The following ALG14 variants were observed in gnomAD, a reference collection of about 807,000 sequenced individuals.
ALG14 encodes ALG14 UDP-N-acetylglucosaminyltransferase subunit, also known as UDP-N-acetylglucosamine transferase subunit ALG14.
ALG14 carries 17 observed loss-of-function variants against 22.8 expected under a neutral mutation model. The ratio of observed to expected loss-of-function variants is 0.75; its 90% CI spans 0.51 to 1.12. The LOEUF is 1.12. Among genes scored for constraint, ALG14 ranks in the 50% most tolerant of loss-of-function variants. The probability of loss-of-function intolerance (pLI) is 0.00; values close to 1 mark genes in which losing one functional copy is unlikely to be tolerated. For missense variants in ALG14, 288 were observed against 271.8 expected, an observed-to-expected ratio of 1.06 and a Z score of -0.42; for synonymous variants, 89 against 103.7, an observed-to-expected ratio of 0.86 and a Z score of 0.86.
At chr1:95,051,970 C>T (rs964652598) in intron 2 of ALG14, among the ~76,000 whole-genome samples, 1 of 152,182 alleles carries the variant, frequency 6.6e-6, no homozygotes, top group East Asian at 1.9e-4. Context: ...ATTATCCCGC[C>T]ACTAGAATGT....
chr1:95,041,732 A>C (rs975044763), intron 2 of ALG14: 1 of 152,208 alleles, frequency 6.6e-6, no homozygotes, highest in Non-Finnish European at 1.5e-5. Flanking sequence ...AGCTGTACAC[A>C]GTCTCAGTCC....
chr1:94,978,618 C>G lies in ALG14; in HGVS notation c.*4458G>C, dbSNP rs1478759528. The G allele has an allele frequency of 6.6e-6, 1 of 152,088 alleles. No individual in the cohort carries two copies. Among genetic ancestry groups the G allele is most frequent in the East Asian group, 1.9e-4 (1 of 5,192 alleles). 9.4% of individuals were successfully genotyped at this position (152,088 alleles called of 1,614,324 possible). On this transcript the variant is annotated 3_prime_UTR_variant, in exon 4 of 4. Coordinates refer to ENST00000370205, the MANE Select transcript of ALG14 (RefSeq NM_144988.4). ...GAGTTATTTAGAGAATTTGCTCAAG[C>G]TAAATGAAGACAAAGACTTTGTGGG...
chr1:95,025,045 C>A (rs1673772026), intron 3 of ALG14, among the ~76,000 whole-genome samples: 2 of 152,262 alleles, frequency 1.3e-5, no homozygotes, highest in South Asian at 2.1e-4. Flanking sequence ...TACAGCCTTA[C>A]AAATGTTTTC....
At chr1:95,039,789 G>A (rs1161133117) in intron 2 of ALG14, among the ~76,000 whole-genome samples, 1 of 152,100 alleles carries the variant, frequency 6.6e-6, no homozygotes, top group Non-Finnish European at 1.5e-5. Flanking sequence ...TCAGGAATCT[G>A]GATGCTGGAC....
intron 2 of ALG14, among the ~76,000 whole-genome samples, chr1:95,043,347 T>G (rs1253754703): frequency 6.6e-6 from 1 of 151,940 alleles, no homozygotes; most frequent in Non-Finnish European, 1.5e-5. Flanking sequence ...GTGGTGGGGG[T>G]TGGGGGAGCA....
At chr1:95,036,835 G>A (rs1299395790) in intron 2 of ALG14, among the ~76,000 whole-genome samples, 4 of 152,146 alleles carry the variant, frequency 2.6e-5, no homozygotes, top group South Asian at 2.1e-4. Context: ...CACTTACTTT[G>A]CATGAATCAA....
intron 2 of ALG14, chr1:95,035,845 C>T (rs542597245): frequency 6.6e-6 from 1 of 152,080 alleles, no homozygotes. Flanking sequence ...ACATACAATA[C>T]CTTTATTATT....
intron 2 of ALG14, among the ~76,000 whole-genome samples, chr1:95,040,172 A>AAAT (rs1674335160): frequency 7.0e-6 from 1 of 143,218 alleles, no homozygotes; most frequent in African/African-American, 2.6e-5. Context: ...ACCCTGTCTC[A>AAAT]AAATAAATAA....
chr1:95,048,186 T>A (rs1390584603), intron 2 of ALG14, among the ~76,000 whole-genome samples: 1 of 152,190 alleles, frequency 6.6e-6, no homozygotes, highest in African/African-American at 2.4e-5. Context: ...TAATGTTTAT[T>A]GGGAAAACAT....
rs1672419432 is a variant in ALG14 at position 94,977,470 on chromosome 1, C to A, written c.*5606G>T. On this transcript the variant is annotated 3_prime_UTR_variant, in exon 4 of 4. Transcript: ENST00000370205. The stretch of plus-strand genomic sequence containing the variant: ...ATAGTAATATTAAGATGTTATTTGC[C>A]TTTTCCTTGTCATTCTTATGATGGT... The A allele has an allele frequency of 6.6e-6, 1 of 152,092 alleles. No homozygotes were observed. Among genetic ancestry groups the A allele is most frequent in the Non-Finnish European group, 1.5e-5 (1 of 68,034 alleles). The allele number at this position is 152,092 out of a possible 1,614,324, so 9.4% of individuals were successfully genotyped here. A position where few individuals can be genotyped will look rare whatever the true frequency, so the allele number is the denominator to read the frequency against.
At chr1:95,006,524 T>C (rs1383489596) in intron 3 of ALG14, among the ~76,000 whole-genome samples, 1 of 152,200 alleles carries the variant, frequency 6.6e-6, no homozygotes, top group Non-Finnish European at 1.5e-5. Flanking sequence ...AGAGAGATTA[T>C]TGGCCATAGG....
intron 3 of ALG14, among the ~76,000 whole-genome samples, chr1:94,999,946 C>A (rs945440461): frequency 3.3e-5 from 5 of 152,266 alleles, no homozygotes; most frequent in African/African-American, 1.2e-4. Flanking sequence ...CCCTCCCACC[C>A]ACATTCCCAG....
chr1:95,064,766 A>G (rs914360874), intron 2 of ALG14, 100 bp downstream of exon 2: 1 of 1,052,912 alleles, frequency 9.5e-7, no homozygotes, highest in African/African-American at 1.6e-5. Flanking sequence ...TTGACTGCCC[A>G]TTGTGGGTAG....
At chr1:94,997,066 G>T (rs1307193026) in intron 3 of ALG14, among the ~76,000 whole-genome samples, 6 of 152,328 alleles carry the variant, frequency 3.9e-5, no homozygotes, top group Non-Finnish European at 7.3e-5. Context: ...TGGAAAAACA[G>T]AAAGACATTA....
intron 2 of ALG14, among the ~76,000 whole-genome samples, chr1:95,042,991 T>C (rs1464462268): frequency 6.6e-6 from 1 of 152,200 alleles, no homozygotes; most frequent in African/African-American, 2.4e-5. Flanking sequence ...AGTTCTTCAA[T>C]GTGATCTTCC....
At chr1:95,052,181 T>C (rs1225884429) in intron 2 of ALG14, among the ~76,000 whole-genome samples, 1 of 152,162 alleles carries the variant, frequency 6.6e-6, no homozygotes, top group Non-Finnish European at 1.5e-5. Flanking sequence ...AGTCATCACT[T>C]GCAGAACTTC....
At chr1:95,021,098 G>A (rs370058239) in intron 3 of ALG14, among the ~76,000 whole-genome samples, 2 of 152,194 alleles carry the variant, frequency 1.3e-5, no homozygotes, top group East Asian at 1.9e-4. Flanking sequence ...AATTCAGAGG[G>A]AGCAAAAGTT....
chr1:95,002,979 A>C (rs1462920234), intron 3 of ALG14, among the ~76,000 whole-genome samples: 1 of 152,232 alleles, frequency 6.6e-6, no homozygotes, highest in Non-Finnish European at 1.5e-5. Flanking sequence ...TGCAGATGAA[A>C]GCACTTAAGT....
rs1672430639 is a variant in ALG14, at chr1:94,978,163, AAGCAAT to A, written c.*4907_*4912del. 1 of 151,422 alleles carries A rather than the reference AAGCAAT, an allele frequency of 6.6e-6. No individual in the cohort carries two copies. Among genetic ancestry groups the A allele is most frequent in the Non-Finnish European group, 1.5e-5 (1 of 67,950 alleles). 9.4% of individuals were successfully genotyped at this position (151,422 alleles called of 1,614,324 possible). A position where few individuals can be genotyped will look rare whatever the true frequency, so the allele number is the denominator to read the frequency against. ...ACTGCAACCTCCACCTCCCTGGTTCAAGCAATTATTTGCCTCAGCCTCCCAAGTAGC... is the reference window on the plus strand; with the variant it reads ...ACTGCAACCTCCACCTCCCTGGTTCATATTTGCCTCAGCCTCCCAAGTAGC... On this transcript the variant is annotated 3_prime_UTR_variant, in exon 4 of 4. Transcript: ENST00000370205.
Sources: allele counts gnomAD v4.1 joint callset (sites outside exome capture counted in the v4.1 genomes callset), GRCh38; gene constraint gnomAD v4.1.1; transcripts MANE v1.5; gene names NCBI Gene and HGNC (gene_info 2026-07-23, HGNC 2026-07-21).